Variants in NTSR2 observed in about 807,000 individuals in gnomAD.
NTSR2 encodes neurotensin receptor type 2.
Under a neutral mutation model 24.1 loss-of-function variants are expected in NTSR2, and 22 were observed. That is an observed-to-expected ratio of 0.91 (90% CI 0.65 to 1.30). The LOEUF (loss-of-function observed/expected upper bound fraction) is 1.30, where lower values mean the gene tolerates loss of function less well. Ranked by LOEUF, NTSR2 falls within the 50% of genes most tolerant of loss-of-function variation. The pLI is 0.00. For missense variants in NTSR2, 570 were observed against 570.4 expected (o/e 1.00, Z 0.01); for synonymous variants, 291 against 267.0 (o/e 1.09, Z -0.88).
Position 11,669,459 on chromosome 2 carries a change from C to CGGGGGGGGGGGGGGGGGGG in NTSR2, c.624+46_624+47insCCCCCCCCCCCCCCCCCCC. On this transcript the variant is annotated intron_variant, in intron 1 of 3. Transcript: ENST00000306928. ...AGAGGGGGTTCCCTCCTCCCAGCACCGCCCCCCCACCCCCCCTCCCCCGAC... is the reference window on the plus strand; with the variant it reads ...AGAGGGGGTTCCCTCCTCCCAGCACCGGGGGGGGGGGGGGGGGGGGCCCCCCCACCCCCCCTCCCCCGAC... The CGGGGGGGGGGGGGGGGGGG allele has an allele frequency of 6.8e-4, 229 of 337,820 alleles. 3 individuals carry two copies. Among genetic ancestry groups the CGGGGGGGGGGGGGGGGGGG allele is most frequent in the Non-Finnish European group, 7.6e-4 (145 of 189,578 alleles). 20.9% of individuals were successfully genotyped at this position (337,820 alleles called of 1,614,324 possible).
intron 3 of NTSR2, among the ~76,000 whole-genome samples, chr2:11,659,494 A>G (rs549676726): frequency 6.6e-6 from 1 of 152,210 alleles, no homozygotes; most frequent in South Asian, 2.1e-4. Context: ...CATCTGTCAC[A>G]TGGCTCTTTC....
At chr2:11,666,537 AAAAAT>A (rs776319160) in intron 1 of NTSR2, among the ~76,000 whole-genome samples, 6 of 152,000 alleles carry the variant, frequency 3.9e-5, no homozygotes, top group Admixed American at 2.6e-4. Flanking sequence ...CATTTCTACT[AAAAAT>A]AAAAAAATTA....
At chr2:11,660,972 A>G (rs1329819432) in intron 2 of NTSR2, among the ~76,000 whole-genome samples, 2 of 152,060 alleles carry the variant, frequency 1.3e-5, no homozygotes, top group Non-Finnish European at 2.9e-5. Flanking sequence ...AGAGACTCTT[A>G]CCGCCTCTGT....
intron 1 of NTSR2, 121 bp downstream of exon 1, chr2:11,669,385 T>A (rs1661272086): frequency 1.1e-6 from 1 of 908,948 alleles, no homozygotes; most frequent in South Asian, 2.8e-5. Context: ...AAGACCCAAC[T>A]TGCTGGGTGG....
chr2:11,667,249 A>G (rs1470418896), intron 1 of NTSR2, among the ~76,000 whole-genome samples: 1 of 151,606 alleles, frequency 6.6e-6, no homozygotes, highest in Non-Finnish European at 1.5e-5. Flanking sequence ...TGTTTCCATC[A>G]TTTGCAACAT....
At chr2:11,662,953 A>G (rs1042324615) in intron 1 of NTSR2, among the ~76,000 whole-genome samples, 4 of 152,234 alleles carry the variant, frequency 2.6e-5, no homozygotes, top group South Asian at 2.1e-4. Context: ...GCTTCCAGAC[A>G]GATAAAACAG....
chr2:11,668,350 C>T (rs1661248936), intron 1 of NTSR2, among the ~76,000 whole-genome samples: 1 of 152,108 alleles, frequency 6.6e-6, no homozygotes, highest in Non-Finnish European at 1.5e-5. Flanking sequence ...GGGACTTTAG[C>T]GAGGGCCCTT....
chr2:11,658,558 C>A lies in NTSR2; in HGVS notation c.1154G>T (p.Arg385Leu), dbSNP rs144468085. ...GGGACTCTGGGGCTTCGGGGGTAAC[C>A]GCTTCATGGGGTGGTGCTCTCCACA... ...SLCGEHHPMKRLPPKPQSPTL... is the reference protein window; with the variant it reads ...SLCGEHHPMKLLPPKPQSPTL... The change falls in exon 4 of 4, where the codon CGG becomes CTG. Residue 385 changes from arginine (R) to leucine (L), a missense_variant. Physicochemically the swap from Arg to Leu is moderately radical, Grantham distance 102. Transcript: ENST00000306928. 3 of 1,614,140 alleles carry A rather than the reference C, an allele frequency of 1.9e-6. No individual in the cohort carries two copies. Among genetic ancestry groups the A allele is most frequent in the Non-Finnish European group, 2.5e-6 (3 of 1,180,018 alleles).
chr2:11,662,136 A>C lies in NTSR2; in HGVS notation c.729T>G (p.Thr243=). Reference sequence around the variant, plus strand: ...TGGGGGTGGAGCTGCCCGGGGTAGAAGTGGACGGCACTTGGGAGCAGAGGG... The same window carrying C: ...TGGGGGTGGAGCTGCCCGGGGTAGACGTGGACGGCACTTGGGAGCAGAGGG... ...LLALCSQVPS[T]STPGSSTPSR... The change falls in exon 2 of 4, where the codon ACT becomes ACG. Residue 243 remains threonine, a synonymous_variant. Transcript: ENST00000306928. 2 of 1,610,356 alleles carry C rather than the reference A, an allele frequency of 1.2e-6. No homozygotes were observed. The highest frequency in any genetic ancestry group is 1.7e-6 in the Non-Finnish European group (2 of 1,178,620).
Position 11,663,783 on chromosome 2 carries a change from T to C in NTSR2, c.625-1543A>G, listed in dbSNP as rs569776625. ...GTGAAATGCTCATTTTCTGTAGATATAAGACAGTGGATACAATTTAAAACA... is the reference window on the plus strand; with the variant it reads ...GTGAAATGCTCATTTTCTGTAGATACAAGACAGTGGATACAATTTAAAACA... On this transcript the variant is annotated intron_variant, in intron 1 of 3. Transcript: ENST00000306928. Among the ~76,000 whole-genome samples, 5 of 148,722 alleles carry C rather than the reference T, an allele frequency of 3.4e-5. No homozygotes were observed. In the South Asian group the frequency reaches 8.3e-4, roughly 25 times the overall value.
rs1030392575 is a variant in NTSR2 at position 11,658,550 on chromosome 2, G to T, written c.1162C>A (p.Pro388Thr). 6.2e-7 allele frequency: 1 copy of T among 1,614,206 alleles called. No individual in the cohort carries two copies. Among genetic ancestry groups the T allele is most frequent in the Non-Finnish European group, 8.5e-7 (1 of 1,180,040 alleles). ...ATTAGGGTGGGACTCTGGGGCTTCG[G>T]GGGTAACCGCTTCATGGGGTGGTGC... ...GEHHPMKRLP[P>T]KPQSPTLMDT... The change falls in exon 4 of 4, where the codon CCG becomes ACG. Residue 388 changes from proline to threonine, a missense_variant. Transcript: ENST00000306928.
At chr2:11,668,599 T>C (rs4669766) in intron 1 of NTSR2, among the ~76,000 whole-genome samples, 124,242 of 152,178 alleles carry the variant, frequency 0.82, 50,967 homozygotes, top group South Asian at 0.96. Context: ...TTCCTTTAGG[T>C]TTCCTGGAGG....
At position 11,669,865 on chromosome 2, in the gene NTSR2, C is replaced by G; in HGVS notation, c.265G>C (p.Val89Leu). 6.3e-7 allele frequency: 1 copy of G among 1,585,614 alleles called. No individual in the cohort carries two copies. Residue 89 changes from valine to leucine, a missense_variant, in exon 1 of 4, where the codon GTG becomes CTG. Physicochemically the swap from Val to Leu is conservative, Grantham distance 32 (BLOSUM62 1). Transcript: ENST00000306928. ...AACCACACGAAGCTGTAGAGCTCCA[C>G]CGGCACGCCGACCAGCAGCAGCAGC... is the stretch of plus-strand genomic sequence containing the variant. ...GLLLLLVGVP[V>L]ELYSFVWFHY... is the part of the protein sequence containing the mutation.
In NTSR2 at chr2:11,669,795, T is replaced by C; in HGVS notation, c.335A>G (p.Tyr112Cys). 6.4e-7 allele frequency: 1 copy of C among 1,558,336 alleles called. No individual in the cohort carries two copies. Among genetic ancestry groups the C allele is most frequent in the Non-Finnish European group, 8.6e-7 (1 of 1,158,928 alleles). The change falls in exon 1 of 4, where the codon TAC (tyrosine) becomes TGC (cysteine). Residue 112 changes from tyrosine (Y) to cysteine (C), a missense_variant. Coordinates refer to ENST00000306928, the MANE Select transcript of NTSR2 (RefSeq NM_012344.4). ...VFGDLGCRGY[Y>C]FVHELCAYAT... Reference sequence around the variant, plus strand: ...GTAGGCGCACAGCTCGTGCACGAAGTAGTAGCCGCGGCAGCCCAGGTCGCC... The same window carrying C: ...GTAGGCGCACAGCTCGTGCACGAAGCAGTAGCCGCGGCAGCCCAGGTCGCC...
chr2:11,661,028 T>C (rs1661061008), intron 2 of NTSR2, among the ~76,000 whole-genome samples: 1 of 152,272 alleles, frequency 6.6e-6, no homozygotes, highest in South Asian at 2.1e-4. Context: ...TTCCCTCTCC[T>C]GCTTCTACTC....
Position 11,670,065 on chromosome 2 carries a change from C to A in NTSR2, c.65G>T (p.Arg22Leu), listed in dbSNP as rs1310853194. 6.8e-7 allele frequency: 1 copy of A among 1,466,926 alleles called. No homozygotes were observed. Among genetic ancestry groups the A allele is most frequent in the Non-Finnish European group, 9.0e-7 (1 of 1,116,618 alleles). The allele number at this position is 1,466,926 out of a possible 1,614,324, so 90.9% of individuals were successfully genotyped here. Residue 22 changes from arginine (R) to leucine (L), a missense_variant, in exon 1 of 4, where the codon CGG (arginine) becomes CTG (leucine). Transcript: ENST00000306928. ...CCAGAGGCGAGTGTCCACGCCCAGC[C>A]GGGCGTCCAGGCTCAGCCCCGGGTT... ...SSNPGLSLDA[R>L]LGVDTRLWAK...
chr2:11,660,569 C>A (rs1661049193), intron 2 of NTSR2, among the ~76,000 whole-genome samples: 1 of 152,098 alleles, frequency 6.6e-6, no homozygotes, highest in Non-Finnish European at 1.5e-5. Context: ...TGTTTGAGAC[C>A]AGCCTGGCTA....
intron 1 of NTSR2, among the ~76,000 whole-genome samples, chr2:11,668,543 C>T (rs907741989): frequency 6.6e-6 from 1 of 152,212 alleles, no homozygotes; most frequent in Non-Finnish European, 1.5e-5. Flanking sequence ...CACATACCCT[C>T]GTGTGCCAGT....
Position 11,658,179 on chromosome 2 carries a change from C to G in NTSR2, c.*300G>C. 1 of 271,286 alleles carries G rather than the reference C, an allele frequency of 3.7e-6. No individual in the cohort carries two copies. Among genetic ancestry groups the G allele is most frequent in the Admixed American group, 5.0e-5 (1 of 19,924 alleles). 16.8% of individuals were successfully genotyped at this position (271,286 alleles called of 1,614,324 possible). Reference sequence around the variant, plus strand: ...ATGCAACAACAGTAACAACAGAAATCGTGCCAGCAAAAATTTATTGAGCAT... The same window carrying G: ...ATGCAACAACAGTAACAACAGAAATGGTGCCAGCAAAAATTTATTGAGCAT... On this transcript the variant is annotated 3_prime_UTR_variant, in exon 4 of 4. Coordinates refer to ENST00000306928, the MANE Select transcript of NTSR2 (RefSeq NM_012344.4).
Sources: gnomAD v4.1 joint callset for allele counts (sites outside exome capture counted in the v4.1 genomes callset) on GRCh38, gnomAD v4.1.1 for gene constraint, MANE v1.5 for transcripts, NCBI Gene and HGNC (gene_info 2026-07-23, HGNC 2026-07-21) for gene names.